Variants in TRIQK observed in about 807,000 individuals in gnomAD.
TRIQK encodes the protein triple QxxK/R motif containing, also known as triple QxxK/R motif-containing protein.
Under a neutral mutation model 10.8 loss-of-function variants are expected in TRIQK, and 10 were observed. The observed-to-expected ratio is 0.92, with a 90% confidence interval of 0.57 to 1.57. TRIQK has a LOEUF of 1.57. TRIQK is among the 40% of genes most tolerant of loss of function. The pLI, the probability that TRIQK is intolerant of heterozygous loss-of-function variation, is 0.00. For synonymous variants in TRIQK, 33 were observed against 33.7 expected (o/e 0.98, Z 0.07); for missense variants, 107 against 97.7 (o/e 1.09, Z -0.40).
intron 2 of TRIQK, among the ~76,000 whole-genome samples, chr8:92,939,589 G>C (rs1467649374): frequency 3.3e-5 from 5 of 152,096 alleles, no homozygotes; most frequent in African/African-American, 1.2e-4. Flanking sequence ...CCCAGGCAAA[G>C]AGATGTCCTC....
chr8:92,950,041 A>G (rs1350805781), intron 2 of TRIQK, among the ~76,000 whole-genome samples: 1 of 152,164 alleles, frequency 6.6e-6, no homozygotes. Flanking sequence ...AATATCTGGT[A>G]TTATTTGATC....
At chr8:92,971,193 T>G (rs1482946360) in intron 1 of TRIQK, among the ~76,000 whole-genome samples, 2 of 152,174 alleles carry the variant, frequency 1.3e-5, no homozygotes, top group African/African-American at 4.8e-5. Context: ...CTTTGGTTAC[T>G]GTAGCCTTGT....
At chr8:92,950,419 A>G (rs1251489000) in intron 2 of TRIQK, among the ~76,000 whole-genome samples, 1 of 152,160 alleles carries the variant, frequency 6.6e-6, no homozygotes, top group African/African-American at 2.4e-5. Flanking sequence ...TAAAGCTGGC[A>G]ACTTAATCTC....
intron 1 of TRIQK, among the ~76,000 whole-genome samples, chr8:92,961,079 T>C (rs1358873614): frequency 6.6e-6 from 1 of 152,174 alleles, no homozygotes; most frequent in Non-Finnish European, 1.5e-5. Flanking sequence ...CTTCCTTCCT[T>C]AGCTTAAAAT....
chr8:92,976,911 A>G (rs1213883478), intron 1 of TRIQK, among the ~76,000 whole-genome samples: 3 of 151,820 alleles, frequency 2.0e-5, no homozygotes, highest in Non-Finnish European at 2.9e-5. Flanking sequence ...GTATATTTCC[A>G]TTTCTACAGT....
At position 92,884,768 on chromosome 8, in the gene TRIQK, T is replaced by C; in HGVS notation, c.*1854A>G. 1 of 439,924 alleles carries C rather than the reference T, an allele frequency of 2.3e-6. No homozygotes were observed. 27.3% of individuals were successfully genotyped at this position (439,924 alleles called of 1,614,324 possible). A position where few individuals can be genotyped will look rare whatever the true frequency, so the allele number is the denominator to read the frequency against. On this transcript the variant is annotated 3_prime_UTR_variant, in exon 5 of 5. Coordinates refer to ENST00000521988, the MANE Select transcript of TRIQK (RefSeq NM_001171797.2). ...ACCACTGAAAACTAGAAATAATCTTTATTTAATACGACTGTTTTAACACCA... is the reference window on the plus strand; with the variant it reads ...ACCACTGAAAACTAGAAATAATCTTCATTTAATACGACTGTTTTAACACCA...
At chr8:92,995,623 A>G (rs1352168331) in intron 1 of TRIQK, among the ~76,000 whole-genome samples, 1 of 152,016 alleles carries the variant, frequency 6.6e-6, no homozygotes, top group Non-Finnish European at 1.5e-5. Context: ...TTGGTTCACA[A>G]CAGTGATCAT....
At chr8:92,935,946 C>A (rs1810967305) in intron 2 of TRIQK, among the ~76,000 whole-genome samples, 1 of 151,540 alleles carries the variant, frequency 6.6e-6, no homozygotes, top group Admixed American at 6.6e-5. Context: ...GTTTAAAAAT[C>A]TACCCTTAAA....
intron 2 of TRIQK, among the ~76,000 whole-genome samples, chr8:92,934,746 T>C (rs1174795766): frequency 6.6e-6 from 1 of 151,940 alleles, no homozygotes; most frequent in Non-Finnish European, 1.5e-5. Flanking sequence ...TTATAACATG[T>C]ATTTATCAGC....
At chr8:92,931,464 G>A (rs1204388737) in intron 2 of TRIQK, among the ~76,000 whole-genome samples, 4 of 152,038 alleles carry the variant, frequency 2.6e-5, no homozygotes, top group Admixed American at 6.6e-5. Context: ...TTACTTGCCC[G>A]ATTTCTCAAA....
rs1017937639 is a variant in TRIQK, at chr8:92,884,801, C to A, written c.*1821G>T. On this transcript the variant is annotated 3_prime_UTR_variant, in exon 5 of 5. Transcript: ENST00000521988. ...ACGACTGTTTTAACACCATATGGAA[C>A]GGGAAATAACTAAATGAAAATTGTT... 1 of 453,620 alleles carries A rather than the reference C, an allele frequency of 2.2e-6. No individual in the cohort carries two copies. Among genetic ancestry groups the A allele is most frequent in the East Asian group, 7.0e-5 (1 of 14,254 alleles). The allele number at this position is 453,620 out of a possible 1,614,324, so 28.1% of individuals were successfully genotyped here.
chr8:92,895,163 G>T (rs28819704), intron 3 of TRIQK, among the ~76,000 whole-genome samples: 29,241 of 152,092 alleles, frequency 0.19, 4,913 homozygotes, highest in African/African-American at 0.45. Flanking sequence ...CATGCTCTTT[G>T]GCCCTTCTGC....
intron 2 of TRIQK, among the ~76,000 whole-genome samples, chr8:92,949,768 G>A (rs575135693): frequency 1.1e-4 from 11 of 97,046 alleles, no homozygotes; most frequent in South Asian, 7.2e-4. Flanking sequence ...GAAAGAAAGA[G>A]AAGGAAAGAA....
At chr8:92,977,812 G>T (rs1586520445) in intron 1 of TRIQK, among the ~76,000 whole-genome samples, 1 of 152,018 alleles carries the variant, frequency 6.6e-6, no homozygotes, top group Non-Finnish European at 1.5e-5. Context: ...AAGTACAATT[G>T]TCATGTAGAA....
At chr8:92,896,275 C>A (rs1486190573) in intron 3 of TRIQK, among the ~76,000 whole-genome samples, 4 of 152,172 alleles carry the variant, frequency 2.6e-5, no homozygotes, top group African/African-American at 7.2e-5. Flanking sequence ...AGGGATAAGT[C>A]TTAGCAGGGT....
intron 1 of TRIQK, among the ~76,000 whole-genome samples, chr8:92,982,094 TTC>T (rs758546769): frequency 6.6e-6 from 1 of 151,742 alleles, no homozygotes; most frequent in Non-Finnish European, 1.5e-5. Flanking sequence ...AAATAAGGTT[TTC>T]TGTTTTTCCT....
chr8:93,006,415 C>T (rs2130760373), intron 1 of TRIQK, among the ~76,000 whole-genome samples: 1 of 152,318 alleles, frequency 6.6e-6, no homozygotes, highest in East Asian at 1.9e-4. Context: ...GGAAACCACT[C>T]TTTTTCCACA....
In TRIQK at chr8:92,984,284, A is replaced by C. The variant is rs190464371; in HGVS notation, c.-180-29720T>G. On this transcript the variant is annotated intron_variant, in intron 1 of 4. Coordinates refer to the TRIQK transcript ENST00000520686. Reference sequence around the variant, plus strand: ...CAGCTGGAATCTATGTTTATTTAACACTTTCTTATACTGACAGAGTCCAAA... The same window carrying C: ...CAGCTGGAATCTATGTTTATTTAACCCTTTCTTATACTGACAGAGTCCAAA... Among the ~76,000 whole-genome samples, 20 of 152,244 alleles carry C rather than the reference A, an allele frequency of 1.3e-4. 1 individual carries two copies. The highest frequency in any genetic ancestry group is 3.9e-4 in the Admixed American group (6 of 15,282).
chr8:92,968,851 G>A (rs548396977), upstream of TRIQK, among the ~76,000 whole-genome samples: 109 of 152,204 alleles, frequency 7.2e-4, no homozygotes, highest in Admixed American at 1.2e-3. Flanking sequence ...ACTGCTTTTG[G>A]AATTTTAGTT....
Sources: gnomAD v4.1 joint callset for allele counts (sites outside exome capture counted in the v4.1 genomes callset) on GRCh38, gnomAD v4.1.1 for gene constraint, MANE v1.5 for transcripts, NCBI Gene and HGNC (gene_info 2026-07-23, HGNC 2026-07-21) for gene names.